The following NTM variants were observed in gnomAD, a reference collection of about 807,000 sequenced individuals.
NTM encodes neurotrimin.
In NTM, 13 loss-of-function variants were observed where a neutral mutation model predicts 42.1. That is an observed-to-expected ratio of 0.31 (90% CI 0.20 to 0.49). The LOEUF (loss-of-function observed/expected upper bound fraction) is 0.49. Among genes scored for constraint, NTM ranks in the 20% least tolerant of loss-of-function variants. NTM has a pLI of 0.99. For missense variants in NTM, 373 were observed against 452.8 expected (o/e 0.82, Z 1.60); for synonymous variants, 187 against 179.2 (o/e 1.04, Z -0.35).
intron 1 of NTM, chr11:131,660,899 C>T (rs1267303922): frequency 1.6e-6 from 2 of 1,287,326 alleles, no homozygotes; most frequent in Non-Finnish European, 2.0e-6. Flanking sequence ...TAATGTGATG[C>T]ATGGCTTTCT....
intron 3 of NTM, among the ~76,000 whole-genome samples, chr11:132,181,920 C>A (rs1028385085): frequency 6.6e-6 from 1 of 150,954 alleles, no homozygotes; most frequent in Non-Finnish European, 1.5e-5. Flanking sequence ...AGTCTGAAAT[C>A]TTATCAGATT....
intron 1 of NTM, among the ~76,000 whole-genome samples, chr11:131,507,224 G>A (rs1591866282): frequency 6.6e-6 from 1 of 152,036 alleles, no homozygotes; most frequent in African/African-American, 2.4e-5. Flanking sequence ...ATCTTGAATT[G>A]ATTTTTGTAT....
intron 1 of NTM, among the ~76,000 whole-genome samples, chr11:131,819,571 C>A (rs1005090058): frequency 6.6e-6 from 1 of 152,164 alleles, no homozygotes; most frequent in African/African-American, 2.4e-5. Flanking sequence ...AAAATCCTGC[C>A]AGGCTGTTGG....
At chr11:131,778,683 C>A (rs187720227) in intron 1 of NTM, among the ~76,000 whole-genome samples, 5 of 152,298 alleles carry the variant, frequency 3.3e-5, no homozygotes. Context: ...GAACTTTAGT[C>A]TCATTCTATC....
intron 4 of NTM, among the ~76,000 whole-genome samples, chr11:132,278,001 A>T (rs2093799417): frequency 6.6e-6 from 1 of 152,210 alleles, no homozygotes; most frequent in African/African-American, 2.4e-5. Context: ...ACGAATCATC[A>T]AACAGTCTTT....
Position 131,655,887 on chromosome 11 carries a change from T to C in NTM, c.83-255677T>C, listed in dbSNP as rs191416820. 1.6e-3 allele frequency among the ~76,000 whole-genome samples: 244 copies of C among 152,324 alleles called. 2 individuals carry two copies. Among genetic ancestry groups the C allele is most frequent in the African/African-American group, 5.7e-3 (237 of 41,592 alleles). ...TAGAAGCAGTGCCTTTCTGAAGTGC[T>C]GGGACCAAATCGATTGGCCATCTGG... On this transcript the variant is annotated intron_variant, in intron 1 of 8. Coordinates refer to ENST00000683400, the MANE Select transcript of NTM (RefSeq NM_001352005.2).
chr11:131,542,983 C>T (rs1157526013), intron 1 of NTM, among the ~76,000 whole-genome samples: 1 of 152,234 alleles, frequency 6.6e-6, no homozygotes, highest in Non-Finnish European at 1.5e-5. Flanking sequence ...GCCTGGAGAA[C>T]ATGTCCCTGG....
At chr11:131,606,887 A>G (rs2061012280) in intron 1 of NTM, among the ~76,000 whole-genome samples, 1 of 152,208 alleles carries the variant, frequency 6.6e-6, no homozygotes, top group Non-Finnish European at 1.5e-5. Flanking sequence ...GTGGCTGGCT[A>G]AATAGACCTC....
rs186242469 is a variant in NTM at position 132,044,631 on chromosome 11, C to T, written c.168-101651C>T. Among the ~76,000 whole-genome samples the T allele has an allele frequency of 1.4e-3, 211 of 152,146 alleles. 1 individual carries two copies. The highest frequency in any genetic ancestry group is 4.5e-3 in the African/African-American group (187 of 41,490). On this transcript the variant is annotated intron_variant, in intron 2 of 8. Transcript: ENST00000683400. ...ATTGCTATCATGGGTGTGATAGGAA[C>T]GAGCCTCCACATTGGGACCTTCGCC... is the stretch of plus-strand genomic sequence containing the variant.
intron 1 of NTM, among the ~76,000 whole-genome samples, chr11:131,859,809 T>C (rs1326511814): frequency 6.6e-6 from 1 of 152,106 alleles, no homozygotes; most frequent in Non-Finnish European, 1.5e-5. Flanking sequence ...ATTATGATAG[T>C]AAAAATAGAT....
At chr11:132,096,320 G>A (rs1032814534) in intron 2 of NTM, among the ~76,000 whole-genome samples, 2 of 152,168 alleles carry the variant, frequency 1.3e-5, no homozygotes, top group Admixed American at 6.5e-5. Flanking sequence ...ATTTCCTAGT[G>A]CAACCTCTCT....
chr11:131,452,187 G>A (rs575318072), intron 1 of NTM, among the ~76,000 whole-genome samples: 18 of 152,316 alleles, frequency 1.2e-4, no homozygotes, highest in East Asian at 5.8e-4. Flanking sequence ...TGAGTTTAAC[G>A]GGCTGAGAAA....
At chr11:131,910,803 C>T (rs1032382540) in intron 1 of NTM, 3 of 981,818 alleles carry the variant, frequency 3.1e-6, no homozygotes, top group African/African-American at 1.7e-5. Context: ...CCCCGCCGAG[C>T]CCCGCCGGAC....
intron 2 of NTM, among the ~76,000 whole-genome samples, chr11:132,042,165 C>G (rs1448931096): frequency 6.6e-6 from 1 of 152,204 alleles, no homozygotes; most frequent in Admixed American, 6.5e-5. Context: ...ACGTTTTCCT[C>G]TAGACCCAAA....
rs377633652 is a variant in NTM, at chr11:131,625,560, A to AT, written c.82+254683dup. ...GGAGGGAGGATAGAAGAAAGGCTTC[A>AT]TTTTTTTTTTTCAGATAACGTTCCC... On this transcript the variant is annotated intron_variant, in intron 1 of 8. Coordinates refer to ENST00000683400, the MANE Select transcript of NTM (RefSeq NM_001352005.2). 3.5e-4 allele frequency among the ~76,000 whole-genome samples: 52 copies of AT among 149,454 alleles called. 1 individual carries two copies. The highest frequency in any genetic ancestry group is 8.6e-4 in the South Asian group (4 of 4,666).
chr11:132,180,503 A>C (rs2138035152), intron 3 of NTM, among the ~76,000 whole-genome samples: 1 of 152,354 alleles, frequency 6.6e-6, no homozygotes, highest in South Asian at 2.1e-4. Flanking sequence ...GGCTTCCCAT[A>C]AGCAAGTAGC....
chr11:131,852,845 T>A (rs1695029725), intron 1 of NTM, among the ~76,000 whole-genome samples: 1 of 150,516 alleles, frequency 6.6e-6, no homozygotes, highest in African/African-American at 2.5e-5. Context: ...CACCCATCCA[T>A]CCACCCATCC....
At chr11:131,533,709 G>C (rs933162628) in intron 1 of NTM, 1 of 152,206 alleles carries the variant, frequency 6.6e-6, no homozygotes, top group Non-Finnish European at 1.5e-5. Context: ...TACATGCATA[G>C]TCAATCTGCC....
chr11:131,970,433 T>C (rs78361497), intron 2 of NTM, among the ~76,000 whole-genome samples: 5,088 of 152,304 alleles, frequency 0.033, 295 homozygotes, highest in African/African-American at 0.12. Context: ...TCAGGCCTAA[T>C]GTTGCTAATC....
Sources: gnomAD v4.1 joint callset for allele counts (sites outside exome capture counted in the v4.1 genomes callset) on GRCh38, gnomAD v4.1.1 for gene constraint, MANE v1.5 for transcripts, NCBI Gene and HGNC (gene_info 2026-07-23, HGNC 2026-07-21) for gene names.